The following ADAM12 variants were observed in gnomAD, a reference collection of about 807,000 sequenced individuals.
ADAM12 encodes the protein ADAM metallopeptidase domain 12.
In ADAM12, 70 loss-of-function variants were observed where a neutral mutation model predicts 106.4. The observed-to-expected ratio is 0.66, with a 90% CI of 0.54 to 0.80. ADAM12 has a LOEUF of 0.80. Ranked by LOEUF, ADAM12 falls within the 30% of genes least tolerant of loss-of-function variation. ADAM12 has a pLI of 0.00. For missense variants in ADAM12, 1,010 were observed against 1,171.9 expected (o/e 0.86, Z 2.02); for synonymous variants, 420 against 433.5 (o/e 0.97, Z 0.39).
intron 3 of ADAM12, among the ~76,000 whole-genome samples, chr10:126,230,730 T>C (rs1958293953): frequency 6.6e-6 from 1 of 152,238 alleles, no homozygotes; most frequent in Admixed American, 6.5e-5. Flanking sequence ...TGAACGTCTT[T>C]TGCTTCCTGA....
intron 2 of ADAM12, among the ~76,000 whole-genome samples, chr10:126,317,682 G>A (rs1301188381): frequency 6.6e-6 from 1 of 152,062 alleles, no homozygotes; most frequent in Admixed American, 6.6e-5. Flanking sequence ...TTAACTTATT[G>A]AACATAGCTA....
chr10:126,176,846 T>A (rs1055633697), intron 3 of ADAM12, among the ~76,000 whole-genome samples: 2 of 152,164 alleles, frequency 1.3e-5, no homozygotes, highest in Admixed American at 1.3e-4. Context: ...AGCTTCCCTC[T>A]AAGGGTTTAC....
At chr10:126,228,745 A>C (rs1958249369) in intron 3 of ADAM12, among the ~76,000 whole-genome samples, 1 of 152,188 alleles carries the variant, frequency 6.6e-6, no homozygotes, top group Admixed American at 6.5e-5. Flanking sequence ...TCTGCCCCCA[A>C]ACCATGCTCT....
At chr10:126,281,715 T>C (rs754733405) in intron 2 of ADAM12, among the ~76,000 whole-genome samples, 3 of 152,208 alleles carry the variant, frequency 2.0e-5, no homozygotes, top group Non-Finnish European at 4.4e-5. Flanking sequence ...ACCGGTAAAA[T>C]ACGGCATTCC....
intron 2 of ADAM12, among the ~76,000 whole-genome samples, chr10:126,310,333 C>T (rs1025113818): frequency 6.6e-6 from 1 of 151,758 alleles, no homozygotes; most frequent in African/African-American, 2.4e-5. Context: ...TCAAAGGGGT[C>T]GGAGGAGAAC....
At chr10:126,078,168 G>A (rs995430617) in intron 11 of ADAM12, among the ~76,000 whole-genome samples, 2 of 152,150 alleles carry the variant, frequency 1.3e-5, no homozygotes, top group African/African-American at 4.8e-5. Context: ...CTGCTCCCCA[G>A]GTGCTGACTC....
At chr10:126,173,032 C>T (rs1957147568) in intron 3 of ADAM12, among the ~76,000 whole-genome samples, 1 of 152,174 alleles carries the variant, frequency 6.6e-6, no homozygotes, top group African/African-American at 2.4e-5. Context: ...CACATGTTCT[C>T]ACTCATAAGT....
chr10:126,286,053 C>G (rs562794650), intron 2 of ADAM12, among the ~76,000 whole-genome samples: 1 of 150,110 alleles, frequency 6.7e-6, no homozygotes, highest in African/African-American at 2.5e-5. Flanking sequence ...CTGATCCAAA[C>G]TTGACTTTAA....
intron 1 of ADAM12, among the ~76,000 whole-genome samples, chr10:126,366,569 T>C (rs913195902): frequency 3.3e-5 from 5 of 152,156 alleles, no homozygotes; most frequent in Admixed American, 2.0e-4. Context: ...ATGAACGTAA[T>C]TCTCCATAAG....
In ADAM12 at chr10:126,380,847, G is replaced by T. The variant is rs1435029251; in HGVS notation, c.88+7211C>A. ...AAAGGGTTGTAGGGCTTAGCCATTT[G>T]GTACAGAAGAAACATCTGAAAATTC... On this transcript the variant is annotated intron_variant, in intron 1 of 22. Coordinates refer to ENST00000448723, the MANE Select transcript of ADAM12 (RefSeq NM_001288973.2). Among the ~76,000 whole-genome samples, 6 of 152,128 alleles carry T rather than the reference G, an allele frequency of 3.9e-5. No individual in the cohort carries two copies. In the East Asian group the frequency reaches 1.2e-3, roughly 29 times the overall value.
At chr10:126,201,706 A>G (rs1590610961) in intron 3 of ADAM12, among the ~76,000 whole-genome samples, 1 of 152,214 alleles carries the variant, frequency 6.6e-6, no homozygotes, top group East Asian at 1.9e-4. Context: ...GACAAGGAAC[A>G]GAGCTGAGAA....
At chr10:126,080,409 T>C (rs11244802) in intron 11 of ADAM12, among the ~76,000 whole-genome samples, 2,583 of 152,292 alleles carry the variant, frequency 0.017, 43 homozygotes, top group Non-Finnish European at 0.028. Flanking sequence ...AAGTGACCTA[T>C]AGCAGTGAGA....
chr10:126,326,359 C>T (rs983916576), intron 2 of ADAM12, among the ~76,000 whole-genome samples: 4 of 152,122 alleles, frequency 2.6e-5, no homozygotes, highest in African/African-American at 4.8e-5. Context: ...AAGTCAATGA[C>T]GTGGTGAACA....
intron 2 of ADAM12, among the ~76,000 whole-genome samples, chr10:126,286,129 G>A (rs1959848416): frequency 6.6e-6 from 1 of 151,986 alleles, no homozygotes; most frequent in Admixed American, 6.6e-5. Flanking sequence ...ATGGTTGTAG[G>A]GTGCTCATTA....
intron 1 of ADAM12, among the ~76,000 whole-genome samples, chr10:126,372,680 G>C (rs1856151255): frequency 1.3e-5 from 2 of 152,324 alleles, no homozygotes; most frequent in Admixed American, 1.3e-4. Context: ...TCTACTAGGA[G>C]CTTTTGTGCT....
intron 3 of ADAM12, among the ~76,000 whole-genome samples, chr10:126,257,618 T>C (rs556452412): frequency 6.6e-6 from 1 of 152,320 alleles, no homozygotes; most frequent in East Asian, 1.9e-4. Context: ...ATATGACCTG[T>C]CACACAATCG....
At chr10:126,320,970 A>AT (rs1854075365) in intron 2 of ADAM12, among the ~76,000 whole-genome samples, 2 of 152,312 alleles carry the variant, frequency 1.3e-5, no homozygotes, top group African/African-American at 4.8e-5. Flanking sequence ...AAAATCCCAT[A>AT]TGTCTGACTA....
chr10:126,104,440 ACT>A (rs1370522273), intron 8 of ADAM12, among the ~76,000 whole-genome samples: 7 of 148,454 alleles, frequency 4.7e-5, no homozygotes, highest in Non-Finnish European at 7.4e-5. Flanking sequence ...ATAGAGCAAG[ACT>A]CTGTCTAAAA....
At chr10:126,254,321 G>A (rs1245312303) in intron 3 of ADAM12, among the ~76,000 whole-genome samples, 1 of 152,184 alleles carries the variant, frequency 6.6e-6, no homozygotes, top group African/African-American at 2.4e-5. Flanking sequence ...TACCTTATAG[G>A]GTTGATGTGA....
Sources: allele counts gnomAD v4.1 joint callset (sites outside exome capture counted in the v4.1 genomes callset), GRCh38; gene constraint gnomAD v4.1.1; transcripts MANE v1.5; gene names NCBI Gene and HGNC (gene_info 2026-07-23, HGNC 2026-07-21).